The following TMEM212 variants were observed in gnomAD, a reference collection of about 807,000 sequenced individuals.
The protein encoded by TMEM212 is transmembrane protein 212.
A neutral mutation model predicts 20.5 loss-of-function variants in TMEM212; 23 were observed. That is an observed-to-expected ratio of 1.12 (90% CI 0.81 to 1.59). TMEM212 has a LOEUF of 1.59. Ranked by LOEUF, TMEM212 falls within the 40% of genes most tolerant of loss-of-function variation. The pLI is 0.00. For missense variants in TMEM212, 211 were observed against 215.0 expected (o/e 0.98, Z 0.12); for synonymous variants, 76 against 81.6 (o/e 0.93, Z 0.37).
rs1281612619 is a variant in TMEM212, at chr3:171,858,674, C to T, written c.*617C>T. On this transcript the variant is annotated 3_prime_UTR_variant, in exon 5 of 5. Transcript: ENST00000334567. ...GAGAAAATTTTTTCAATCTACCCAT[C>T]TGACAAACAGCTAATATCCAGAATC... 1.3e-5 allele frequency: 2 copies of T among 152,064 alleles called. No individual in the cohort carries two copies. The highest frequency in any genetic ancestry group is 6.6e-5 in the Admixed American group (1 of 15,262). The allele number at this position is 152,064 out of a possible 1,614,324, so 9.4% of individuals were successfully genotyped here. A position where few individuals can be genotyped will look rare whatever the true frequency, so the allele number is the denominator to read the frequency against.
At chr3:171,857,217 T>C (rs1425089397) in intron 4 of TMEM212, among the ~76,000 whole-genome samples, 1 of 151,848 alleles carries the variant, frequency 6.6e-6, no homozygotes, top group East Asian at 1.9e-4. Context: ...AAAATAAAAA[T>C]GGTTTACATA....
chr3:171,848,125 G>T (rs1480095271), intron 1 of TMEM212, among the ~76,000 whole-genome samples: 1 of 151,996 alleles, frequency 6.6e-6, no homozygotes, highest in Non-Finnish European at 1.5e-5. Context: ...CCAAATACTG[G>T]AGTGATTTTG....
chr3:171,853,895 T>C lies in TMEM212; in HGVS notation c.543+45T>C, dbSNP rs377245439. ...AGGCAGGTTCTTGTTCCATCTTGTATGCTAAAATGGAAAGTCTGGTATGTG... is the reference window on the plus strand; with the variant it reads ...AGGCAGGTTCTTGTTCCATCTTGTACGCTAAAATGGAAAGTCTGGTATGTG... On this transcript the variant is annotated intron_variant, in intron 3 of 4. Coordinates refer to ENST00000334567, the MANE Select transcript of TMEM212 (RefSeq NM_001164436.2). 127 of 1,418,830 alleles carry C rather than the reference T, an allele frequency of 9.0e-5. 2 individuals are homozygous for C. In the African/African-American group the frequency reaches 1.7e-3, roughly 19 times the overall value. 87.9% of individuals were successfully genotyped at this position (1,418,830 alleles called of 1,614,324 possible).
At chr3:171,849,728 T>G (rs1724927504) in intron 1 of TMEM212, among the ~76,000 whole-genome samples, 1 of 152,202 alleles carries the variant, frequency 6.6e-6, no homozygotes, top group African/African-American at 2.4e-5. Flanking sequence ...TTCCTTCAAT[T>G]CATCTACTTC....
At chr3:171,845,109 A>G (rs894687138) in intron 1 of TMEM212, among the ~76,000 whole-genome samples, 1 of 152,178 alleles carries the variant, frequency 6.6e-6, no homozygotes, top group Non-Finnish European at 1.5e-5. Context: ...TGAAACCACA[A>G]TTCATTCAAA....
At chr3:171,844,258 G>A (rs1192772240) in intron 1 of TMEM212, among the ~76,000 whole-genome samples, 2 of 152,122 alleles carry the variant, frequency 1.3e-5, no homozygotes, top group Non-Finnish European at 2.9e-5. Context: ...AGTCTTGGGA[G>A]TAACTGGCTT....
chr3:171,845,906 G>C (rs187199496), intron 1 of TMEM212, among the ~76,000 whole-genome samples: 5 of 152,246 alleles, frequency 3.3e-5, no homozygotes, highest in South Asian at 2.1e-4. Flanking sequence ...GTATAATAAA[G>C]AGCTTTGCCA....
chr3:171,850,639 C>T (rs951906594), intron 1 of TMEM212, among the ~76,000 whole-genome samples: 1 of 152,198 alleles, frequency 6.6e-6, no homozygotes, highest in African/African-American at 2.4e-5. Flanking sequence ...TACAGTTGCT[C>T]TTAATAATTC....
rs1560327433 is a variant in TMEM212, at chr3:171,853,676, CT to C, written c.372del (p.Pro125LeufsTer9). On this transcript the variant is annotated frameshift_variant, in exon 3 of 5. Coordinates refer to ENST00000334567, the MANE Select transcript of TMEM212 (RefSeq NM_001164436.2). LOFTEE classifies it high-confidence loss of function. ...GTNYLGYAVT[F>X]PYPYAKFPLA... ...CTAATTACCTTGGCTATGCAGTTAC[CT>C]TTCCTTATCCATATGCAAAATTCCC... is the stretch of plus-strand genomic sequence containing the variant. 6 of 1,537,462 alleles carry C rather than the reference CT, an allele frequency of 3.9e-6. No individual in the cohort carries two copies. The highest frequency in any genetic ancestry group is 5.2e-6 in the Non-Finnish European group (6 of 1,146,926).
At position 171,852,035 on chromosome 3, in the gene TMEM212, G is replaced by T. The variant is rs1448696049; in HGVS notation, c.213G>T (p.Arg71Ser). ...LLLAYREWTQ[R>S]YLGEATFTFV... ...TGGCTTACAGAGAGTGGACCCAGAG[G>T]TACCTGGTAAATATACCGATGCCAA... Residue 71 changes from arginine to serine, a missense_variant, in exon 2 of 5, where the codon AGG becomes AGT. Coordinates refer to ENST00000334567, the MANE Select transcript of TMEM212 (RefSeq NM_001164436.2). The T allele has an allele frequency of 8.5e-6, 13 of 1,536,736 alleles. No homozygotes were observed. The highest frequency in any genetic ancestry group is 1.0e-5 in the Non-Finnish European group (12 of 1,146,580).
intron 1 of TMEM212, among the ~76,000 whole-genome samples, chr3:171,847,740 G>T (rs528235058): frequency 1.2e-4 from 19 of 152,174 alleles, no homozygotes; most frequent in Non-Finnish European, 2.4e-4. Flanking sequence ...AGACCTACCA[G>T]TTTTCTTGCT....
chr3:171,853,323 G>T (rs76853393), intron 2 of TMEM212, among the ~76,000 whole-genome samples: 1 of 110,744 alleles, frequency 9.0e-6, no homozygotes, highest in Non-Finnish European at 2.0e-5. Flanking sequence ...CTTAAAAAGT[G>T]AAAAAAAAAA....
chr3:171,851,869 C>A, intron 1 of TMEM212, 113 bp from the exon 2 acceptor site: 1 of 931,396 alleles, frequency 1.1e-6, no homozygotes, highest in Non-Finnish European at 1.6e-6. Context: ...TCCACTGAGT[C>A]ATTTTCTGTT....
chr3:171,853,712 T>A lies in TMEM212; in HGVS notation c.405T>A (p.Cys135Ter). 1 of 1,537,532 alleles carries A rather than the reference T, an allele frequency of 6.5e-7. No homozygotes were observed. Among genetic ancestry groups the A allele is most frequent in the Non-Finnish European group, 8.7e-7 (1 of 1,146,934 alleles). ...CATATGCAAAATTCCCATTAGCCTG[T>A]GTGGACCCACCACACTACGAAGAGT... The part of the protein sequence containing the change: ...PYPYAKFPLA[C>*]VDPPHYEEYH... Residue 135 changes from cysteine (C) to a stop codon, truncating the protein, a stop_gained, in exon 3 of 5, where the codon TGT (cysteine) becomes TGA (stop). Coordinates refer to ENST00000334567, the MANE Select transcript of TMEM212 (RefSeq NM_001164436.2). LOFTEE classifies it high-confidence loss of function.
intron 1 of TMEM212, among the ~76,000 whole-genome samples, chr3:171,844,469 A>T (rs1007699430): frequency 6.6e-6 from 1 of 152,204 alleles, no homozygotes; most frequent in African/African-American, 2.4e-5. Flanking sequence ...GCACTTTGGG[A>T]AGCCAAGGGG....
chr3:171,843,670 G>A (rs1724765162), intron 1 of TMEM212, 128 bp downstream of exon 1: 1 of 740,238 alleles, frequency 1.4e-6, no homozygotes, highest in African/African-American at 1.8e-5. Context: ...CAAAAAATCA[G>A]AATCCGCCTT....
intron 1 of TMEM212, among the ~76,000 whole-genome samples, chr3:171,844,837 A>C (rs956289580): frequency 6.6e-6 from 1 of 152,206 alleles, no homozygotes; most frequent in Non-Finnish European, 1.5e-5. Flanking sequence ...TACTTATTAG[A>C]TAAATATTTA....
chr3:171,852,482 T>C (rs567576010), intron 2 of TMEM212, among the ~76,000 whole-genome samples: 1 of 152,358 alleles, frequency 6.6e-6, no homozygotes, highest in South Asian at 2.1e-4. Flanking sequence ...ATTACAGGCA[T>C]TAGCTACTGC....
Position 171,843,411 on chromosome 3 carries a change from C to A in TMEM212, c.28C>A (p.Arg10=). MKGLYQAAG[R]ILVTLGILSV... is the part of the protein sequence containing the mutation. ...GAAGGGCCTCTACCAGGCTGCTGGC[C>A]GGATTCTTGTTACTCTGGGGATCCT... is the stretch of plus-strand genomic sequence containing the variant. Residue 10 remains arginine (R), a synonymous_variant, in exon 1 of 5, where the codon CGG becomes AGG. Coordinates refer to ENST00000334567, the MANE Select transcript of TMEM212 (RefSeq NM_001164436.2). 6.5e-7 allele frequency: 1 copy of A among 1,536,396 alleles called. No individual in the cohort carries two copies. Among genetic ancestry groups the A allele is most frequent in the Non-Finnish European group, 8.7e-7 (1 of 1,146,508 alleles).
Sources: gnomAD v4.1 joint callset for allele counts (sites outside exome capture counted in the v4.1 genomes callset) on GRCh38, gnomAD v4.1.1 for gene constraint, MANE v1.5 for transcripts, NCBI Gene and HGNC (gene_info 2026-07-23, HGNC 2026-07-21) for gene names.